SPIN1: variants seen among roughly 807,000 people sequenced by gnomAD.
The protein encoded by SPIN1 is spindlin 1, also known as spindlin-1.
SPIN1 carries 3 observed loss-of-function variants against 26.0 expected under a neutral mutation model. That is an observed-to-expected ratio of 0.12 (90% CI 0.05 to 0.30). The LOEUF (loss-of-function observed/expected upper bound fraction) is 0.30, where lower values mean the gene tolerates loss of function less well. Among genes scored for constraint, SPIN1 ranks in the 10% least tolerant of loss-of-function variants. The probability of loss-of-function intolerance (pLI) is 1.00; values close to 1 mark genes in which losing one functional copy is unlikely to be tolerated. For synonymous variants in SPIN1, 101 were observed against 116.5 expected, an observed-to-expected ratio of 0.87 and a Z score of 0.86; for missense variants, 126 against 333.4, an observed-to-expected ratio of 0.38 and a Z score of 4.84.
chr9:88,420,027 C>T (rs969925860), intron 1 of SPIN1, among the ~76,000 whole-genome samples: 2 of 152,194 alleles, frequency 1.3e-5, no homozygotes, highest in African/African-American at 2.4e-5. Context: ...ATGACCAATC[C>T]GCTTTTTGTT....
chr9:88,461,412 C>T (rs1334176733), intron 3 of SPIN1, among the ~76,000 whole-genome samples: 1 of 152,146 alleles, frequency 6.6e-6, no homozygotes, highest in African/African-American at 2.4e-5. Flanking sequence ...CCTTCTGCGG[C>T]GAGTACTCCT....
chr9:88,466,871 G>T (rs1828679751), intron 4 of SPIN1, among the ~76,000 whole-genome samples: 1 of 152,024 alleles, frequency 6.6e-6, no homozygotes, highest in Non-Finnish European at 1.5e-5. Context: ...CAGTAGCTGG[G>T]ACTACAGGCC....
chr9:88,441,398 CGTGTGTGT>C (rs60571153), intron 2 of SPIN1, among the ~76,000 whole-genome samples: 2 of 137,730 alleles, frequency 1.5e-5, no homozygotes, highest in Admixed American at 1.4e-4. Context: ...TGCTGCCATT[CGTGTGTGT>C]GTGTGTGTGC....
chr9:88,437,527 A>ACACAG (rs1203457596), intron 2 of SPIN1, among the ~76,000 whole-genome samples: 4 of 151,704 alleles, frequency 2.6e-5, no homozygotes, highest in Non-Finnish European at 5.9e-5. Context: ...GAAAGAAACA[A>ACACAG]CAAAATGAAT....
chr9:88,413,091 G>T (rs10122708), intron 1 of SPIN1, among the ~76,000 whole-genome samples: 13,867 of 144,524 alleles, frequency 0.096, 2,204 homozygotes, highest in African/African-American at 0.34. Flanking sequence ...TTTTGAGATG[G>T]AGTTTTGCTC....
intron 2 of SPIN1, among the ~76,000 whole-genome samples, chr9:88,445,596 G>T (rs1828235622): frequency 6.7e-6 from 1 of 150,130 alleles, no homozygotes; most frequent in South Asian, 2.1e-4. Context: ...GGGCTGGAGT[G>T]CAGTGGCGTG....
At chr9:88,424,201 A>G (rs764817910) in intron 1 of SPIN1, among the ~76,000 whole-genome samples, 5 of 152,170 alleles carry the variant, frequency 3.3e-5, no homozygotes, top group Admixed American at 2.0e-4. Flanking sequence ...TATGGAGACA[A>G]AGGGTACTGA....
intron 3 of SPIN1, among the ~76,000 whole-genome samples, chr9:88,450,336 C>G (rs1469116506): frequency 6.6e-6 from 1 of 152,174 alleles, no homozygotes; most frequent in African/African-American, 2.4e-5. Context: ...CAGAACAGTT[C>G]ATTCAAAATA....
chr9:88,442,869 C>T (rs1022458200), intron 2 of SPIN1, among the ~76,000 whole-genome samples: 2 of 151,924 alleles, frequency 1.3e-5, no homozygotes, highest in Admixed American at 6.6e-5. Context: ...CGCCTGTAAT[C>T]CCAGCACTTT....
chr9:88,444,158 C>G (rs1828195577), intron 2 of SPIN1, among the ~76,000 whole-genome samples: 1 of 151,300 alleles, frequency 6.6e-6, no homozygotes, highest in African/African-American at 2.4e-5. Context: ...AACTTGGAAG[C>G]TTTTTAAGTG....
intron 3 of SPIN1, among the ~76,000 whole-genome samples, chr9:88,451,625 A>C (rs566099056): frequency 6.6e-6 from 1 of 152,072 alleles, no homozygotes; most frequent in African/African-American, 2.4e-5. Context: ...CAGTGGTGCA[A>C]TCTTGGTTCA....
chr9:88,420,571 G>A (rs1347322727), intron 1 of SPIN1, among the ~76,000 whole-genome samples: 1 of 152,194 alleles, frequency 6.6e-6, no homozygotes, highest in East Asian at 1.9e-4. Flanking sequence ...TGGTTTATGA[G>A]TTATAGCAAT....
chr9:88,434,984 G>A (rs192493456), intron 2 of SPIN1, among the ~76,000 whole-genome samples: 28 of 151,534 alleles, frequency 1.8e-4, no homozygotes, highest in Non-Finnish European at 3.5e-4. Context: ...CCCGGGAGGC[G>A]GAGGTTGCAG....
intron 1 of SPIN1, among the ~76,000 whole-genome samples, chr9:88,388,999 A>C: frequency 7.9e-6 from 1 of 125,854 alleles, no homozygotes; most frequent in Non-Finnish European, 1.7e-5. Context: ...CGGGCCGGCG[A>C]CGGGGGCGGG....
chr9:88,461,060 C>T (rs1294523084), intron 3 of SPIN1, among the ~76,000 whole-genome samples: 1 of 152,188 alleles, frequency 6.6e-6, no homozygotes, highest in Non-Finnish European at 1.5e-5. Context: ...TGCTTCCAGA[C>T]CCATGTAAAT....
intron 5 of SPIN1, among the ~76,000 whole-genome samples, chr9:88,473,594 G>A (rs910652704): frequency 2.6e-5 from 4 of 151,904 alleles, no homozygotes; most frequent in Admixed American, 6.6e-5. Flanking sequence ...ATTCTGCATC[G>A]CTTTTCCTAG....
At chr9:88,426,878 G>A (rs1827774038) in intron 2 of SPIN1, among the ~76,000 whole-genome samples, 1 of 151,534 alleles carries the variant, frequency 6.6e-6, no homozygotes, top group African/African-American at 2.4e-5. Context: ...GTTTTTTCCG[G>A]AAGAGTTAAA....
At chr9:88,455,211 T>TC (rs1828448335) in intron 3 of SPIN1, among the ~76,000 whole-genome samples, 1 of 152,220 alleles carries the variant, frequency 6.6e-6, no homozygotes, top group Non-Finnish European at 1.5e-5. Context: ...ACACCTGTAA[T>TC]CCCAACACTT....
intron 5 of SPIN1, among the ~76,000 whole-genome samples, chr9:88,469,878 T>C (rs1487102175): frequency 6.6e-6 from 1 of 152,232 alleles, no homozygotes; most frequent in Non-Finnish European, 1.5e-5. Context: ...TTCTGTACTT[T>C]TTAATATACG....
Sources: allele counts gnomAD v4.1 joint callset (sites outside exome capture counted in the v4.1 genomes callset), GRCh38; gene constraint gnomAD v4.1.1; transcripts MANE v1.5; gene names NCBI Gene and HGNC (gene_info 2026-07-23, HGNC 2026-07-21).